Variants in FAM135A observed in about 807,000 individuals in gnomAD.
FAM135A encodes the protein protein FAM135A.
In FAM135A, 79 loss-of-function variants were observed where a neutral mutation model predicts 146.8. The ratio of observed to expected loss-of-function variants is 0.54; its 90% CI spans 0.45 to 0.65. The LOEUF (loss-of-function observed/expected upper bound fraction) is 0.65, where lower values mean the gene tolerates loss of function less well. FAM135A is among the 30% of genes least tolerant of loss of function. The pLI is 0.00. For synonymous variants in FAM135A, 562 were observed against 603.6 expected, an observed-to-expected ratio of 0.93 and a Z score of 1.01; for missense variants, 1,623 against 1,758.2, an observed-to-expected ratio of 0.92 and a Z score of 1.38.
At chr6:70,533,284 A>G in intron 17 of FAM135A, 33 bp downstream of exon 17, 1 of 1,539,464 alleles carries the variant, frequency 6.5e-7, no homozygotes, top group Non-Finnish European at 8.9e-7. Flanking sequence ...GTGAAAACAA[A>G]CATTTTTGTA....
Position 70,544,220 on chromosome 6 carries a change from G to A in FAM135A, c.4228+5819G>A, listed in dbSNP as rs961022186. Among the ~76,000 whole-genome samples the A allele has an allele frequency of 1.4e-4, 21 of 152,228 alleles. No individual in the cohort carries two copies. The East Asian group carries it at 3.9e-3, about 28-fold the overall frequency. On this transcript the variant is annotated intron_variant, in intron 20 of 21. Coordinates refer to ENST00000418814, the MANE Select transcript of FAM135A (RefSeq NM_001162529.3). Reference sequence around the variant, plus strand: ...TCCAGTTTGGGAGGCTGAGGCAGGTGAATTGCTTGGGCTTAGGAGTTTAAG... The same window carrying A: ...TCCAGTTTGGGAGGCTGAGGCAGGTAAATTGCTTGGGCTTAGGAGTTTAAG...
At chr6:70,556,053 A>G (rs768890107) in intron 20 of FAM135A, among the ~76,000 whole-genome samples, 3 of 152,072 alleles carry the variant, frequency 2.0e-5, no homozygotes, top group African/African-American at 4.8e-5. Context: ...GTTCAAGACC[A>G]GCCTGGCCAA....
At chr6:70,542,101 T>C (rs1798029229) in intron 20 of FAM135A, among the ~76,000 whole-genome samples, 1 of 152,196 alleles carries the variant, frequency 6.6e-6, no homozygotes, top group South Asian at 2.1e-4. Context: ...ATAGATTATA[T>C]TGGCCATCTA....
intron 11 of FAM135A, among the ~76,000 whole-genome samples, chr6:70,499,858 T>G (rs556136703): frequency 6.6e-6 from 1 of 152,214 alleles, no homozygotes; most frequent in Non-Finnish European, 1.5e-5. Flanking sequence ...ATTATTCTGC[T>G]GGGCTTCCCT....
At chr6:70,430,904 A>G (rs934408379) in intron 4 of FAM135A, among the ~76,000 whole-genome samples, 3 of 152,174 alleles carry the variant, frequency 2.0e-5, no homozygotes, top group African/African-American at 7.2e-5. Context: ...CCTTATACTT[A>G]GCTAGGAGCA....
chr6:70,520,496 T>TA (rs1405313844), intron 12 of FAM135A, among the ~76,000 whole-genome samples: 4 of 152,212 alleles, frequency 2.6e-5, no homozygotes, highest in Admixed American at 6.5e-5. Flanking sequence ...TGAACACAGA[T>TA]ACAGGAGTAT....
chr6:70,544,277 G>A (rs781610210), intron 20 of FAM135A, among the ~76,000 whole-genome samples: 14 of 151,904 alleles, frequency 9.2e-5, no homozygotes, highest in African/African-American at 2.7e-4. Context: ...GGTGGCTCAC[G>A]CCTGTAATCC....
intron 5 of FAM135A, among the ~76,000 whole-genome samples, chr6:70,470,878 A>G (rs113864454): frequency 4.7e-4 from 71 of 152,362 alleles, no homozygotes; most frequent in African/African-American, 1.6e-3. Context: ...GTCTAGGTGC[A>G]TCTGCAGGTA....
intron 4 of FAM135A, among the ~76,000 whole-genome samples, chr6:70,452,183 A>G (rs1777245303): frequency 6.6e-6 from 1 of 152,124 alleles, no homozygotes; most frequent in African/African-American, 2.4e-5. Context: ...ACCAAATGAA[A>G]CAATGAAGTT....
intron 4 of FAM135A, among the ~76,000 whole-genome samples, chr6:70,435,689 A>G (rs1772949921): frequency 6.6e-6 from 1 of 152,038 alleles, no homozygotes; most frequent in Non-Finnish European, 1.5e-5. Context: ...CCTGTAACAC[A>G]GTTTTTAACA....
intron 20 of FAM135A, among the ~76,000 whole-genome samples, chr6:70,553,213 C>T (rs9364091): frequency 6.6e-6 from 1 of 152,160 alleles, no homozygotes; most frequent in African/African-American, 2.4e-5. Flanking sequence ...TCTGAGAAAG[C>T]TAACCAGATC....
At chr6:70,480,661 A>G (rs1466736540) in intron 8 of FAM135A, among the ~76,000 whole-genome samples, 1 of 152,128 alleles carries the variant, frequency 6.6e-6, no homozygotes, top group East Asian at 1.9e-4. Context: ...GTTCTTTGAG[A>G]CTTCCAGAAG....
At position 70,524,841 on chromosome 6, in the gene FAM135A, A is replaced by T; in HGVS notation, c.1757A>T (p.Lys586Met). The T allele has an allele frequency of 6.3e-7, 1 of 1,587,542 alleles. No individual in the cohort carries two copies. The change falls in exon 15 of 22, where the codon AAG becomes ATG. Residue 586 changes from lysine to methionine, a missense_variant. This residue lies in a region of FAM135A where 1,061 missense variants were observed against 1,113.8 expected (regional missense o/e 0.95). Transcript: ENST00000418814. ...LPTNTERTEQ[K>M]SPDIENVQPD... ...ACTAATACAGAGAGAACTGAACAAA[A>T]GTCTCCAGATATTGAAAATGTTCAA...
intron 20 of FAM135A, among the ~76,000 whole-genome samples, chr6:70,553,897 A>T (rs1487098799): frequency 6.6e-6 from 1 of 152,220 alleles, no homozygotes. Context: ...TTGATGTTGT[A>T]GTATATATGA....
intron 11 of FAM135A, among the ~76,000 whole-genome samples, chr6:70,494,460 A>T (rs1249344896): frequency 6.6e-6 from 1 of 152,080 alleles, no homozygotes; most frequent in African/African-American, 2.4e-5. Flanking sequence ...TGGCCACTGC[A>T]CTCCAGCCTG....
In FAM135A at chr6:70,526,796, C is replaced by CAT. The variant is rs1169582026; in HGVS notation, c.3614+99_3614+100insTA. ...ACACACACACACACACACACACACA[C>CAT]ACACACATATATATATAAAATCATA... On this transcript the variant is annotated intron_variant, in intron 15 of 21. Transcript: ENST00000418814. 6,469 of 774,542 alleles carry CAT rather than the reference C, an allele frequency of 8.4e-3. 135 individuals are homozygous for CAT. Among genetic ancestry groups the CAT allele is most frequent in the Admixed American group, 0.052 (1,590 of 30,576 alleles). 48.0% of individuals were successfully genotyped at this position (774,542 alleles called of 1,614,324 possible).
At chr6:70,540,230 G>A (rs13206086) in intron 20 of FAM135A, among the ~76,000 whole-genome samples, 65,711 of 151,026 alleles carry the variant, frequency 0.44, 15,636 homozygotes, top group African/African-American at 0.63. Flanking sequence ...TTCAGCCAAC[G>A]TTCCATTCTG....
intron 7 of FAM135A, 133 bp from the exon 8 acceptor site, chr6:70,477,026 C>A: frequency 1.1e-6 from 1 of 882,402 alleles, no homozygotes; most frequent in Non-Finnish European, 1.6e-6. Flanking sequence ...AACTTTGATG[C>A]TTTAAAAATT....
chr6:70,515,308 C>T (rs1421545877), intron 12 of FAM135A, among the ~76,000 whole-genome samples: 1 of 152,182 alleles, frequency 6.6e-6, no homozygotes, highest in East Asian at 1.9e-4. Context: ...CAAAAACCTC[C>T]ACATATAGCA....
Sources: allele counts gnomAD v4.1 joint callset (sites outside exome capture counted in the v4.1 genomes callset), GRCh38; gene constraint gnomAD v4.1.1; regional missense constraint gnomAD v4.1.1; transcripts MANE v1.5; gene names NCBI Gene and HGNC (gene_info 2026-07-23, HGNC 2026-07-21).